PAX7: variants seen among roughly 807,000 people sequenced by gnomAD.
PAX7 encodes paired box protein Pax-7.
In PAX7, 18 loss-of-function variants were observed where a neutral mutation model predicts 50.7. The observed-to-expected ratio is 0.36, with a 90% confidence interval of 0.25 to 0.53. PAX7 has a LOEUF of 0.53. Ranked by LOEUF, PAX7 falls within the 20% of genes least tolerant of loss-of-function variation. The probability of loss-of-function intolerance (pLI) is 0.93; values close to 1 mark genes in which losing one functional copy is unlikely to be tolerated. For synonymous variants in PAX7, 310 were observed against 290.4 expected, an observed-to-expected ratio of 1.07 and a Z score of -0.69; for missense variants, 644 against 702.9, an observed-to-expected ratio of 0.92 and a Z score of 0.95.
At chr1:18,723,965 A>C (rs1440132451) in intron 7 of PAX7, among the ~76,000 whole-genome samples, 1 of 152,094 alleles carries the variant, frequency 6.6e-6, no homozygotes, top group Non-Finnish European at 1.5e-5. Flanking sequence ...AATTATTGCT[A>C]TGAGGTGCAG....
At chr1:18,645,153 T>G (rs2088318010) in intron 4 of PAX7, among the ~76,000 whole-genome samples, 1 of 152,096 alleles carries the variant, frequency 6.6e-6, no homozygotes, top group South Asian at 2.1e-4. Context: ...CGCGCGCGCG[T>G]GCGTGCGCAC....
chr1:18,747,732 T>C lies in PAX7; in HGVS notation c.*2803T>C, dbSNP rs1452616792. The C allele has an allele frequency of 5.0e-6, 1 of 201,152 alleles. No homozygotes were observed. The highest frequency in any genetic ancestry group is 1.0e-5 in the Non-Finnish European group (1 of 97,782). 12.5% of individuals were successfully genotyped at this position (201,152 alleles called of 1,614,324 possible). The stretch of plus-strand genomic sequence containing the variant: ...TTGGTCCTCTCTAAGGAGGGCTCTC[T>C]TCTGAGTTCATTGTACAATAGTTGG... On this transcript the variant is annotated 3_prime_UTR_variant, in exon 9 of 9. Transcript: ENST00000420770.
intron 7 of PAX7, among the ~76,000 whole-genome samples, chr1:18,710,321 C>T (rs540692217): frequency 3.3e-5 from 5 of 152,296 alleles, no homozygotes; most frequent in African/African-American, 9.6e-5. Context: ...AGTCCTCTTG[C>T]CCTAGGGAAC....
intron 1 of PAX7, among the ~76,000 whole-genome samples, chr1:18,633,814 G>A (rs939033705): frequency 2.0e-5 from 3 of 152,216 alleles, no homozygotes; most frequent in African/African-American, 4.8e-5. Flanking sequence ...TACCAGGAGC[G>A]TAGAACTGAG....
At chr1:18,742,201 A>G (rs1931178435) in intron 8 of PAX7, among the ~76,000 whole-genome samples, 1 of 119,650 alleles carries the variant, frequency 8.4e-6, no homozygotes, top group South Asian at 2.7e-4. Context: ...TCTGTTGCCC[A>G]GGCTGGAGTG....
chr1:18,723,606 T>C (rs368880450), intron 7 of PAX7, among the ~76,000 whole-genome samples: 2 of 152,124 alleles, frequency 1.3e-5, no homozygotes, highest in East Asian at 1.9e-4. Flanking sequence ...AGGACAGAGG[T>C]TGGGGCAAAG....
At chr1:18,715,900 A>G (rs2089414090) in intron 7 of PAX7, among the ~76,000 whole-genome samples, 1 of 152,072 alleles carries the variant, frequency 6.6e-6, no homozygotes, top group Non-Finnish European at 1.5e-5. Flanking sequence ...TGCAGAATTC[A>G]TGTTCCCTCA....
In PAX7 at chr1:18,700,078, G is replaced by GTT. The variant is rs1002984037; in HGVS notation, c.787-574_787-573insTT. ...TATCCCACTAATGTTTGATAAATCCGTGTGTGTGTGTGTGTGTGTGTGTGT... is the reference window on the plus strand; with the variant it reads ...TATCCCACTAATGTTTGATAAATCCGTTTGTGTGTGTGTGTGTGTGTGTGTGT... On this transcript the variant is annotated intron_variant, in intron 5 of 8. Coordinates refer to ENST00000420770, the MANE Select transcript of PAX7 (RefSeq NM_001135254.2). This position sits in a 1 kb window ranked among gnomAD's most constrained non-coding sequence, Gnocchi z 4.8. Among the ~76,000 whole-genome samples the GTT allele has an allele frequency of 2.3e-4, 3 of 13,078 alleles. No homozygotes were observed. The highest frequency in any genetic ancestry group is 3.9e-4 in the Non-Finnish European group (3 of 7,616). 8.6% of individuals were successfully genotyped at this position (13,078 alleles called of 152,430 possible).
intron 7 of PAX7, among the ~76,000 whole-genome samples, chr1:18,725,320 C>A (rs1476649345): frequency 1.4e-5 from 2 of 142,344 alleles, no homozygotes; most frequent in Non-Finnish European, 3.1e-5. Flanking sequence ...CCCGCCCCAC[C>A]AACACCGCCA....
chr1:18,725,384 A>G (rs959541571), intron 7 of PAX7, among the ~76,000 whole-genome samples: 6 of 144,752 alleles, frequency 4.1e-5, no homozygotes, highest in Admixed American at 7.0e-5. Context: ...TGGGCGGGGG[A>G]CCAGAGTCAA....
chr1:18,657,822 C>A (rs1018190737), intron 4 of PAX7, among the ~76,000 whole-genome samples: 3 of 152,132 alleles, frequency 2.0e-5, no homozygotes, highest in African/African-American at 7.2e-5. Context: ...AAGACGCCAG[C>A]CTTCTGCTAT....
chr1:18,634,294 C>A lies in PAX7; in HGVS notation c.86-9C>A. 1 of 1,610,756 alleles carries A rather than the reference C, an allele frequency of 6.2e-7. No individual in the cohort carries two copies. Among genetic ancestry groups the A allele is most frequent in the East Asian group, 2.2e-5 (1 of 44,776 alleles). ...CTCTCTCCTTCTGCATCTCCCCTCC[C>A]TTCTCCAGTGTCCACCCCGCTTGGC... On this transcript the variant is annotated splice_polypyrimidine_tract_variant and intron_variant, in intron 1 of 8. Coordinates refer to ENST00000420770, the MANE Select transcript of PAX7 (RefSeq NM_001135254.2). This position sits in a 1 kb window ranked among gnomAD's most constrained non-coding sequence, Gnocchi z 4.0.
intron 7 of PAX7, among the ~76,000 whole-genome samples, chr1:18,724,111 G>A (rs949196939): frequency 6.6e-6 from 1 of 152,204 alleles, no homozygotes; most frequent in African/African-American, 2.4e-5. Flanking sequence ...CCACCCAGCC[G>A]GCAAGGAGTG....
At chr1:18,689,481 C>A (rs533997663) in intron 4 of PAX7, among the ~76,000 whole-genome samples, 18 of 152,224 alleles carry the variant, frequency 1.2e-4, no homozygotes, top group African/African-American at 4.1e-4. Flanking sequence ...CAGGTCTCTG[C>A]CCTTGGGGAT....
chr1:18,733,120 C>G (rs2089667169), intron 7 of PAX7, among the ~76,000 whole-genome samples: 1 of 148,648 alleles, frequency 6.7e-6, no homozygotes, highest in Non-Finnish European at 1.5e-5. Flanking sequence ...GACTCAGATT[C>G]CTGAGTCTGC....
chr1:18,654,180 C>T (rs1016680118), intron 4 of PAX7, among the ~76,000 whole-genome samples: 4 of 152,134 alleles, frequency 2.6e-5, no homozygotes, highest in African/African-American at 9.7e-5. Context: ...GGCTCTGGCT[C>T]GAATGCAGTG....
At chr1:18,742,584 A>G (rs960457933) in intron 8 of PAX7, among the ~76,000 whole-genome samples, 19 of 152,304 alleles carry the variant, frequency 1.2e-4, no homozygotes, top group Non-Finnish European at 2.5e-4. Flanking sequence ...ACCCTCACAC[A>G]GAGTAAGGGG....
At chr1:18,708,202 G>A (rs2089308140) in intron 7 of PAX7, among the ~76,000 whole-genome samples, 3 of 152,010 alleles carry the variant, frequency 2.0e-5, no homozygotes, top group Admixed American at 6.6e-5. Context: ...GCAACCCCCA[G>A]CCCACTCTCT....
chr1:18,678,933 C>A (rs915042258), intron 4 of PAX7, among the ~76,000 whole-genome samples: 6 of 152,186 alleles, frequency 3.9e-5, no homozygotes, highest in African/African-American at 1.4e-4. Context: ...GGCTGCCTGG[C>A]CGTCACGGTC....
Sources: allele counts gnomAD v4.1 joint callset (sites outside exome capture counted in the v4.1 genomes callset), GRCh38; gene constraint gnomAD v4.1.1; non-coding constraint Gnocchi (gnomAD v3.1); transcripts MANE v1.5; gene names NCBI Gene and HGNC (gene_info 2026-07-23, HGNC 2026-07-21).